Variants in SCAI observed in about 807,000 individuals in gnomAD.
The protein encoded by SCAI is protein SCAI.
In SCAI, 24 loss-of-function variants were observed where a neutral mutation model predicts 92.2. That is an observed-to-expected ratio of 0.26 (90% CI 0.19 to 0.37). SCAI has a LOEUF of 0.37. Ranked by LOEUF, SCAI falls within the 10% of genes least tolerant of loss-of-function variation. The pLI, the probability that SCAI is intolerant of heterozygous loss-of-function variation, is 1.00. For synonymous variants in SCAI, 261 were observed against 258.6 expected, an observed-to-expected ratio of 1.01 and a Z score of -0.09; for missense variants, 450 against 736.2, an observed-to-expected ratio of 0.61 and a Z score of 4.50.
At chr9:125,032,612 T>C (rs1833101850) in intron 3 of SCAI, among the ~76,000 whole-genome samples, 1 of 133,792 alleles carries the variant, frequency 7.5e-6, no homozygotes, top group Admixed American at 8.4e-5. Flanking sequence ...TTACTAATAT[T>C]ATGCTTTTTT....
chr9:125,015,111 C>T (rs189627890), intron 9 of SCAI, among the ~76,000 whole-genome samples: 1 of 152,224 alleles, frequency 6.6e-6, no homozygotes, highest in African/African-American at 2.4e-5. Context: ...CCATTCAGTA[C>T]GTAGGCATGG....
chr9:125,081,234 T>C (rs1834210205), intron 2 of SCAI, among the ~76,000 whole-genome samples: 1 of 151,952 alleles, frequency 6.6e-6, no homozygotes, highest in Non-Finnish European at 1.5e-5. Context: ...CAGGCAGAGG[T>C]TGGAACAGTT....
At chr9:125,037,098 G>GTC (rs1833212749) in intron 3 of SCAI, among the ~76,000 whole-genome samples, 1 of 152,048 alleles carries the variant, frequency 6.6e-6, no homozygotes, top group African/African-American at 2.4e-5. Context: ...GTGAAACCCT[G>GTC]TCTCTACTAA....
chr9:124,966,916 C>CAT (rs1831552485), intron 17 of SCAI, among the ~76,000 whole-genome samples: 1 of 134,208 alleles, frequency 7.5e-6, no homozygotes, highest in Non-Finnish European at 1.6e-5. Flanking sequence ...CCCAGCTTGA[C>CAT]TTTTTTTTTT....
At chr9:125,004,752 TATATA>T (rs1832444961) in intron 9 of SCAI, among the ~76,000 whole-genome samples, 2 of 15,188 alleles carry the variant, frequency 1.3e-4, no homozygotes, top group Non-Finnish European at 2.4e-4. Flanking sequence ...TATATATATA[TATATA>T]TATATATATA....
intron 2 of SCAI, among the ~76,000 whole-genome samples, chr9:125,125,517 T>C (rs1441262330): frequency 7.1e-6 from 1 of 140,130 alleles, no homozygotes; most frequent in African/African-American, 2.7e-5. Flanking sequence ...AACAGAGTGA[T>C]ACTCCATCTC....
At chr9:125,089,818 T>C (rs1225215049) in intron 2 of SCAI, among the ~76,000 whole-genome samples, 1 of 152,048 alleles carries the variant, frequency 6.6e-6, no homozygotes, top group Non-Finnish European at 1.5e-5. Context: ...GATCCTCCCA[T>C]GGCAGTCTCT....
At position 125,096,397 on chromosome 9, in the gene SCAI, G is replaced by A. The variant is rs138900101; in HGVS notation, c.99-40390C>T. 2.7e-4 allele frequency among the ~76,000 whole-genome samples: 41 copies of A among 152,284 alleles called. No individual in the cohort carries two copies. The East Asian group carries it at 7.1e-3, about 27-fold the overall frequency. ...GAATTCAAGATGAGATTTGGGTGGG[G>A]ACACAGGCAAACCATATCACCTCCC... On this transcript the variant is annotated intron_variant, in intron 2 of 17. Transcript: ENST00000336505.
intron 3 of SCAI, among the ~76,000 whole-genome samples, chr9:125,032,274 C>A (rs1833093063): frequency 6.8e-6 from 1 of 147,206 alleles, no homozygotes; most frequent in Non-Finnish European, 1.5e-5. Context: ...TCACTGCAAC[C>A]TCCACCTCCC....
intron 9 of SCAI, among the ~76,000 whole-genome samples, chr9:125,009,161 A>T: frequency 6.6e-6 from 1 of 152,270 alleles, no homozygotes; most frequent in Middle Eastern, 3.4e-3. Flanking sequence ...GAAAATATAA[A>T]ATATAAAATA....
At chr9:124,980,980 T>C (rs1831873376) in intron 14 of SCAI, among the ~76,000 whole-genome samples, 1 of 152,226 alleles carries the variant, frequency 6.6e-6, no homozygotes, top group Admixed American at 6.5e-5. Flanking sequence ...GGCTTTACTC[T>C]GTTCTGATCT....
At chr9:125,040,614 T>C (rs902613500) in intron 3 of SCAI, among the ~76,000 whole-genome samples, 5 of 151,538 alleles carry the variant, frequency 3.3e-5, no homozygotes, top group Non-Finnish European at 5.9e-5. Context: ...TTCTACTTTT[T>C]CCCTGTTTTG....
At chr9:125,033,392 T>A (rs1833123578) in intron 3 of SCAI, among the ~76,000 whole-genome samples, 1 of 152,076 alleles carries the variant, frequency 6.6e-6, no homozygotes, top group Non-Finnish European at 1.5e-5. Flanking sequence ...AATAACACTT[T>A]GTAGCACAAG....
chr9:124,990,011 C>A (rs899917973), intron 14 of SCAI, among the ~76,000 whole-genome samples: 1 of 150,952 alleles, frequency 6.6e-6, no homozygotes, highest in Non-Finnish European at 1.5e-5. Context: ...CCTGTTTCTA[C>A]TAAAAATACA....
chr9:125,003,939 G>T (rs1190176559), intron 9 of SCAI, among the ~76,000 whole-genome samples: 2 of 152,224 alleles, frequency 1.3e-5, no homozygotes, highest in African/African-American at 4.8e-5. Flanking sequence ...ACTTTGGGAG[G>T]CCAAGGCAGG....
At chr9:125,011,764 G>A (rs879473957) in intron 9 of SCAI, among the ~76,000 whole-genome samples, 1 of 152,206 alleles carries the variant, frequency 6.6e-6, no homozygotes, top group Non-Finnish European at 1.5e-5. Flanking sequence ...AGGAAGAAAT[G>A]TTAAGGGCAG....
At chr9:125,098,055 A>G (rs1834599758) in intron 2 of SCAI, among the ~76,000 whole-genome samples, 1 of 151,500 alleles carries the variant, frequency 6.6e-6, no homozygotes, top group Admixed American at 6.6e-5. Context: ...ATATGTGTAT[A>G]TACACATATA....
At chr9:125,143,358 A>T in intron 1 of SCAI, 27 bp downstream of exon 1, 1 of 1,292,430 alleles carries the variant, frequency 7.7e-7, no homozygotes, top group African/African-American at 1.6e-5. Flanking sequence ...CCCATCCCCA[A>T]CCCCGGCCTC....
At chr9:125,063,408 T>A (rs115346529) in intron 2 of SCAI, among the ~76,000 whole-genome samples, 1,834 of 147,050 alleles carry the variant, frequency 0.012, 26 homozygotes, top group African/African-American at 0.042. Context: ...AAAGAATGAA[T>A]ATAGAAAAGA....
Sources: gnomAD v4.1 joint callset for allele counts (sites outside exome capture counted in the v4.1 genomes callset) on GRCh38, gnomAD v4.1.1 for gene constraint, MANE v1.5 for transcripts, NCBI Gene and HGNC (gene_info 2026-07-23, HGNC 2026-07-21) for gene names.